CDH18: variants seen among roughly 807,000 people sequenced by gnomAD.
CDH18 encodes the protein cadherin-18.
CDH18 carries 31 observed loss-of-function variants against 67.9 expected under a neutral mutation model. The ratio of observed to expected loss-of-function variants is 0.46; its 90% CI spans 0.34 to 0.62. The LOEUF is 0.62. CDH18 is among the 20% of genes least tolerant of loss of function. CDH18 has a pLI of 0.01. For missense variants in CDH18, 890 were observed against 975.5 expected (o/e 0.91, Z 1.17); for synonymous variants, 362 against 347.2 (o/e 1.04, Z -0.48).
At chr5:19,714,466 G>A (rs1196525772) in intron 5 of CDH18, among the ~76,000 whole-genome samples, 1 of 151,142 alleles carries the variant, frequency 6.6e-6, no homozygotes, top group African/African-American at 2.4e-5. Context: ...ATCTGCTGCA[G>A]TTCAGGAACT....
chr5:19,554,157 T>C (rs1488285798), intron 8 of CDH18, among the ~76,000 whole-genome samples: 1 of 152,192 alleles, frequency 6.6e-6, no homozygotes, highest in Non-Finnish European at 1.5e-5. Context: ...GGCACATAGA[T>C]ATTTGCGGAT....
At position 19,965,884 on chromosome 5, in the gene CDH18, C is replaced by G. The variant is rs536238803; in HGVS notation, c.-257+15176G>C. Among the ~76,000 whole-genome samples the G allele has an allele frequency of 1.1e-3, 165 of 152,270 alleles. 1 individual carries two copies. Among genetic ancestry groups the G allele is most frequent in the Non-Finnish European group, 1.8e-3 (120 of 68,018 alleles). Reference sequence around the variant, plus strand: ...CCGCCATGTCAATAAACAGCTACCTCTCTCCCAGCGACACTTACATGACAG... The same window carrying G: ...CCGCCATGTCAATAAACAGCTACCTGTCTCCCAGCGACACTTACATGACAG... On this transcript the variant is annotated intron_variant, in intron 2 of 12. Transcript: ENST00000382275.
At chr5:19,704,216 G>C (rs2079203351) in intron 5 of CDH18, among the ~76,000 whole-genome samples, 2 of 152,144 alleles carry the variant, frequency 1.3e-5, no homozygotes. Context: ...AGGTTTGGTA[G>C]ATACAGGAGC....
intron 1 of CDH18, among the ~76,000 whole-genome samples, chr5:20,376,431 T>C (rs533889647): frequency 1.3e-5 from 2 of 151,878 alleles, no homozygotes; most frequent in African/African-American, 4.8e-5. Flanking sequence ...ACTGGTTACT[T>C]TGGAGATGCC....
intron 2 of CDH18, among the ~76,000 whole-genome samples, chr5:19,894,551 T>C (rs898707634): frequency 6.6e-6 from 1 of 152,104 alleles, no homozygotes; most frequent in Non-Finnish European, 1.5e-5. Flanking sequence ...AATAAACATA[T>C]ACTGAAGTTC....
chr5:20,279,699 CAAAAAAAAAAAAAAAAA>C (rs1189257278), intron 1 of CDH18, among the ~76,000 whole-genome samples: 2 of 13,600 alleles, frequency 1.5e-4, no homozygotes, highest in South Asian at 7.9e-3. Flanking sequence ...AGCTCTGTCT[CAAAAAAAAAAAAAAAAA>C]AAAAAAAAAA....
chr5:19,819,412 C>T (rs1261647659), intron 3 of CDH18, among the ~76,000 whole-genome samples: 11 of 152,110 alleles, frequency 7.2e-5, no homozygotes, highest in Non-Finnish European at 1.6e-4. Context: ...ACATTCTGAA[C>T]AGATCTTTTG....
intron 4 of CDH18, among the ~76,000 whole-genome samples, chr5:19,732,267 C>T (rs1294027249): frequency 6.6e-6 from 1 of 151,780 alleles, no homozygotes; most frequent in African/African-American, 2.4e-5. Flanking sequence ...ATAGAGATAC[C>T]TAGTTTCTAC....
intron 2 of CDH18, among the ~76,000 whole-genome samples, chr5:20,162,291 A>G (rs1412129147): frequency 6.6e-6 from 1 of 151,784 alleles, no homozygotes; most frequent in Admixed American, 6.6e-5. Flanking sequence ...AGCAATCACA[A>G]AGTTGGTTTT....
At chr5:20,071,013 T>G (rs1743436389) in intron 2 of CDH18, among the ~76,000 whole-genome samples, 1 of 152,154 alleles carries the variant, frequency 6.6e-6, no homozygotes, top group African/African-American at 2.4e-5. Context: ...AGCCTGATTC[T>G]TCTAGAAGAT....
At chr5:19,574,647 A>G (rs1383091336) in intron 7 of CDH18, among the ~76,000 whole-genome samples, 1 of 152,050 alleles carries the variant, frequency 6.6e-6, no homozygotes, top group African/African-American at 2.4e-5. Context: ...TTATTTTTCT[A>G]TTACTGTAAC....
chr5:19,687,245 G>A (rs985087030), intron 5 of CDH18, among the ~76,000 whole-genome samples: 1 of 152,064 alleles, frequency 6.6e-6, no homozygotes, highest in Non-Finnish European at 1.5e-5. Context: ...TGCTCCACTT[G>A]GTCCCACACA....
intron 1 of CDH18, among the ~76,000 whole-genome samples, chr5:20,504,630 G>T (rs1307726037): frequency 6.6e-6 from 1 of 152,054 alleles, no homozygotes; most frequent in African/African-American, 2.4e-5. Flanking sequence ...ACAGTGCAGT[G>T]ATGCTTTAAT....
intron 1 of CDH18, among the ~76,000 whole-genome samples, chr5:20,568,669 G>A (rs186283176): frequency 2.0e-3 from 299 of 152,182 alleles, no homozygotes; most frequent in Non-Finnish European, 3.1e-3. Flanking sequence ...AGACAGAGAC[G>A]GCAACTGAGA....
At chr5:19,913,885 C>T (rs10941536) in intron 2 of CDH18, among the ~76,000 whole-genome samples, 76,834 of 151,846 alleles carry the variant, frequency 0.51, 19,642 homozygotes, top group African/African-American at 0.59. Flanking sequence ...TTGACAGTAT[C>T]ACAGGGATGA....
chr5:19,877,540 T>C (rs1260566462), intron 2 of CDH18, among the ~76,000 whole-genome samples: 2 of 152,168 alleles, frequency 1.3e-5, no homozygotes, highest in South Asian at 2.1e-4. Flanking sequence ...AGTGTAGCTA[T>C]TAAAAGGGTG....
At chr5:20,328,782 C>T (rs750589873) in intron 1 of CDH18, among the ~76,000 whole-genome samples, 8 of 151,978 alleles carry the variant, frequency 5.3e-5, no homozygotes, top group East Asian at 1.9e-4. Flanking sequence ...TCCCTTGAGC[C>T]CAGGAGTTCA....
At chr5:20,220,769 C>A (rs1289215886) in intron 2 of CDH18, among the ~76,000 whole-genome samples, 1 of 151,712 alleles carries the variant, frequency 6.6e-6, no homozygotes, top group Non-Finnish European at 1.5e-5. Flanking sequence ...AGCCAGGCAA[C>A]TCTATAGGAA....
intron 2 of CDH18, among the ~76,000 whole-genome samples, chr5:20,098,434 A>C (rs2150572892): frequency 6.6e-6 from 1 of 152,188 alleles, no homozygotes; most frequent in East Asian, 1.9e-4. Context: ...GTATCTAGAA[A>C]TTGTTCATCT....
Sources: gnomAD v4.1 joint callset for allele counts (sites outside exome capture counted in the v4.1 genomes callset) on GRCh38, gnomAD v4.1.1 for gene constraint, MANE v1.5 for transcripts, NCBI Gene and HGNC (gene_info 2026-07-23, HGNC 2026-07-21) for gene names.